The following PCDHGA11 variants were observed in gnomAD, a reference collection of about 807,000 sequenced individuals.
PCDHGA11 encodes the protein protocadherin gamma-A11.
Under a neutral mutation model 60.4 loss-of-function variants are expected in PCDHGA11, and 39 were observed. That is an observed-to-expected ratio of 0.65 (90% CI 0.50 to 0.84). The LOEUF (loss-of-function observed/expected upper bound fraction) is 0.84, where lower values mean the gene tolerates loss of function less well. Among genes scored for constraint, PCDHGA11 ranks in the 40% least tolerant of loss-of-function variants. The pLI, the probability that PCDHGA11 is intolerant of heterozygous loss-of-function variation, is 0.00. For missense variants in PCDHGA11, 1,165 were observed against 1,197.7 expected (o/e 0.97, Z 0.40); for synonymous variants, 533 against 510.3 (o/e 1.04, Z -0.60).
In PCDHGA11 at chr5:141,477,602, C is replaced by G. The variant is rs772296229; in HGVS notation, c.2434-17205C>G. ...GCAGAATGCTCGGCTTTCTTTCTTT[C>G]TCTTGGAGCAAGGAGCTGAAACCGG... On this transcript the variant is annotated intron_variant, in intron 1 of 3. Coordinates refer to ENST00000398587, the MANE Select transcript of PCDHGA11 (RefSeq NM_018914.3). This position sits in a 1 kb window ranked among gnomAD's most constrained non-coding sequence, Gnocchi z 4.9. 6.2e-7 allele frequency: 1 copy of G among 1,614,098 alleles called. No homozygotes were observed. Among genetic ancestry groups the G allele is most frequent in the East Asian group, 2.2e-5 (1 of 44,898 alleles).
At chr5:141,494,758 T>A (rs370692038) in intron 1 of PCDHGA11, 49 bp from the exon 2 acceptor site, 2 of 1,613,800 alleles carry the variant, frequency 1.2e-6, no homozygotes, top group Admixed American at 3.3e-5. Context: ...CGGGTGACAT[T>A]CTAACTTCTC....
chr5:141,438,347 C>T (rs150878327), intron 1 of PCDHGA11, among the ~76,000 whole-genome samples: 7 of 151,730 alleles, frequency 4.6e-5, no homozygotes, highest in Non-Finnish European at 2.9e-5. Flanking sequence ...TAAGGATCTA[C>T]TCTGTGTATT....
intron 1 of PCDHGA11, among the ~76,000 whole-genome samples, chr5:141,457,029 C>G (rs2098904194): frequency 6.6e-6 from 1 of 152,170 alleles, no homozygotes; most frequent in Non-Finnish European, 1.5e-5. Flanking sequence ...TCCTAGTAGA[C>G]TCAGTGATAG....
rs376494807 is a variant in PCDHGA11 at position 141,491,836 on chromosome 5, G to A, written c.2434-2971G>A. 4.2e-5 allele frequency: 62 copies of A among 1,472,880 alleles called. No homozygotes were observed. The highest frequency in any genetic ancestry group is 3.6e-4 in the Middle Eastern group (2 of 5,606). 91.2% of individuals were successfully genotyped at this position (1,472,880 alleles called of 1,614,324 possible). A position where few individuals can be genotyped will look rare whatever the true frequency, so the allele number is the denominator to read the frequency against. On this transcript the variant is annotated intron_variant, in intron 1 of 3. Coordinates refer to ENST00000398587, the MANE Select transcript of PCDHGA11 (RefSeq NM_018914.3). This position sits in a 1 kb window ranked among gnomAD's most constrained non-coding sequence, Gnocchi z 6.9. ...CTGGCTGCGCTCCACCCGATTCTCG[G>A]GATCATTGGACCGTTTGCGCGAAAC...
At chr5:141,495,278 C>A (rs2099760057) in intron 2 of PCDHGA11, among the ~76,000 whole-genome samples, 1 of 152,174 alleles carries the variant, frequency 6.6e-6, no homozygotes, top group Non-Finnish European at 1.5e-5. Context: ...CCGGAGGAGG[C>A]GGTCCGCACT....
rs756990417 is a variant in PCDHGA11 at position 141,422,842 on chromosome 5, G to A, written c.1615G>A (p.Gly539Arg). The change falls in exon 1 of 4, where the codon GGG (glycine) becomes AGG (arginine). Residue 539 changes from glycine (G) to arginine (R), a missense_variant. By Grantham distance (125) the Gly-to-Arg change is moderately radical. Coordinates refer to ENST00000398587, the MANE Select transcript of PCDHGA11 (RefSeq NM_018914.3). The stretch of plus-strand genomic sequence containing the variant: ...ACTGAGAGTGATAGCACGTGACAGC[G>A]GGGACCCGCCCCTCAGCAGCAACGT... Reference protein sequence around the residue: ...LELRVIARDSGDPPLSSNVSL... With the variant: ...LELRVIARDSRDPPLSSNVSL... 3.1e-6 allele frequency: 5 copies of A among 1,614,228 alleles called. No homozygotes were observed. Among genetic ancestry groups the A allele is most frequent in the South Asian group, 1.1e-5 (1 of 91,084 alleles).
At chr5:141,501,333 A>C (rs200092587) in intron 2 of PCDHGA11, among the ~76,000 whole-genome samples, 397 of 140,104 alleles carry the variant, frequency 2.8e-3, no homozygotes, top group Non-Finnish European at 2.6e-3. Flanking sequence ...ACACACACAC[A>C]CCCCAAACTC....
chr5:141,428,266 G>A (rs764763674), intron 1 of PCDHGA11: 1 of 810,620 alleles, frequency 1.2e-6, no homozygotes. Context: ...TGACAGTCCT[G>A]TGCCCTCTGA....
In PCDHGA11 at chr5:141,476,336, C is replaced by A; in HGVS notation, c.2434-18471C>A. 18 of 1,614,008 alleles carry A rather than the reference C, an allele frequency of 1.1e-5. No homozygotes were observed. Among genetic ancestry groups the A allele is most frequent in the Non-Finnish European group, 1.5e-5 (18 of 1,180,008 alleles). ...GTTCCGGGTGGTGTCTGGAGCTAGC[C>A]GAAGATTCTTTGAGGTGAACCGGGA... On this transcript the variant is annotated intron_variant, in intron 1 of 3. Coordinates refer to ENST00000398587, the MANE Select transcript of PCDHGA11 (RefSeq NM_018914.3). The surrounding 1 kb of genome is among the most constrained non-coding windows in gnomAD (Gnocchi z 7.6).
chr5:141,437,000 G>A (rs1197061999), intron 1 of PCDHGA11, among the ~76,000 whole-genome samples: 1 of 152,198 alleles, frequency 6.6e-6, no homozygotes, highest in Non-Finnish European at 1.5e-5. Flanking sequence ...TTACTTCAAT[G>A]GGATCTTAGA....
intron 1 of PCDHGA11, among the ~76,000 whole-genome samples, chr5:141,429,812 A>G (rs2097246172): frequency 6.6e-6 from 1 of 152,226 alleles, no homozygotes; most frequent in South Asian, 2.1e-4. Context: ...AGTAATTACA[A>G]TTAGGTCAGT....
chr5:141,489,942 C>T lies in PCDHGA11; in HGVS notation c.2434-4865C>T. On this transcript the variant is annotated intron_variant, in intron 1 of 3. Transcript: ENST00000398587. The surrounding 1 kb of genome is among the most constrained non-coding windows in gnomAD (Gnocchi z 4.5). ...CCCTTATCTCTGTCATCGTGCTGGA[C>T]ATCAATGATAATGCTCCAACCTTCC... 2 of 1,614,170 alleles carry T rather than the reference C, an allele frequency of 1.2e-6. No homozygotes were observed. The highest frequency in any genetic ancestry group is 1.7e-6 in the Non-Finnish European group (2 of 1,179,984).
chr5:141,425,763 G>A (rs959881638), intron 1 of PCDHGA11, among the ~76,000 whole-genome samples: 3 of 152,164 alleles, frequency 2.0e-5, no homozygotes, highest in Non-Finnish European at 4.4e-5. Context: ...TCTACAACAG[G>A]AGAGAAGACT....
intron 2 of PCDHGA11, among the ~76,000 whole-genome samples, chr5:141,504,786 C>A (rs568185327): frequency 6.6e-6 from 1 of 152,014 alleles, no homozygotes; most frequent in South Asian, 2.1e-4. Context: ...TCTCTTGGGG[C>A]CTCCTACATC....
At chr5:141,504,528 C>T (rs750099460) in intron 2 of PCDHGA11, among the ~76,000 whole-genome samples, 2 of 151,854 alleles carry the variant, frequency 1.3e-5, no homozygotes, top group Non-Finnish European at 2.9e-5. Flanking sequence ...ATATTTTATT[C>T]GTGTCATCAT....
chr5:141,458,612 C>T (rs1381385841), intron 1 of PCDHGA11, among the ~76,000 whole-genome samples: 1 of 152,084 alleles, frequency 6.6e-6, no homozygotes, highest in Non-Finnish European at 1.5e-5. Flanking sequence ...CTCTGTCAGC[C>T]AGGCTGGAGT....
rs968865313 is a variant in PCDHGA11, at chr5:141,511,294, C to T, written c.*121C>T. 1 of 1,506,752 alleles carries T rather than the reference C, an allele frequency of 6.6e-7. No individual in the cohort carries two copies. Among genetic ancestry groups the T allele is most frequent in the Non-Finnish European group, 8.9e-7 (1 of 1,123,692 alleles). 93.3% of individuals were successfully genotyped at this position (1,506,752 alleles called of 1,614,324 possible). On this transcript the variant is annotated 3_prime_UTR_variant, in exon 4 of 4. Coordinates refer to ENST00000398587, the MANE Select transcript of PCDHGA11 (RefSeq NM_018914.3). ...CCCAGAATACTGGTAGGGGCCAAGG[C>T]CATGCTCCCCTTGGGAAACAGAAAC...
chr5:141,474,289 T>C (rs11956411), intron 1 of PCDHGA11, among the ~76,000 whole-genome samples: 31,178 of 152,120 alleles, frequency 0.2, 3,304 homozygotes, highest in Admixed American at 0.31. Context: ...ACCCACTAGA[T>C]CAGTGCTTGT....
At chr5:141,445,109 T>C (rs571834974) in intron 1 of PCDHGA11, among the ~76,000 whole-genome samples, 23 of 152,246 alleles carry the variant, frequency 1.5e-4, no homozygotes, top group Non-Finnish European at 2.8e-4. Flanking sequence ...TCTAATGTTA[T>C]TGTAAATAGT....
Sources: allele counts gnomAD v4.1 joint callset (sites outside exome capture counted in the v4.1 genomes callset), GRCh38; gene constraint gnomAD v4.1.1; non-coding constraint Gnocchi (gnomAD v3.1); transcripts MANE v1.5; gene names NCBI Gene and HGNC (gene_info 2026-07-23, HGNC 2026-07-21).